The following NLRP5 variants were observed in gnomAD, a reference collection of about 807,000 sequenced individuals.
NLRP5 encodes NACHT, LRR and PYD domains-containing protein 5.
NLRP5 carries 93 observed loss-of-function variants against 113.1 expected under a neutral mutation model. That is an observed-to-expected ratio of 0.82 (90% CI 0.70 to 0.98). The LOEUF (loss-of-function observed/expected upper bound fraction) is 0.98. Ranked by LOEUF, NLRP5 falls within the 50% of genes least tolerant of loss-of-function variation. The pLI, the probability that NLRP5 is intolerant of heterozygous loss-of-function variation, is 0.00. For missense variants in NLRP5, 1,808 were observed against 1,514.3 expected (o/e 1.19, Z -3.22); for synonymous variants, 751 against 600.7 (o/e 1.25, Z -3.66).
the NLRP5 span, among the ~76,000 whole-genome samples, chr19:55,990,827 AAAG>A: frequency 3.3e-5 from 5 of 152,066 alleles, no homozygotes; most frequent in African/African-American, 1.2e-4. Context: ...TCTGTCTCAA[AAAG>A]AAAAAAAGCT....
the NLRP5 span, among the ~76,000 whole-genome samples, chr19:55,993,739 C>T: frequency 2.0e-5 from 3 of 149,638 alleles, no homozygotes; most frequent in African/African-American, 7.4e-5. Context: ...TTTCCCATGC[C>T]TGGTTTATTT....
At chr19:56,024,503 A>G (rs1259566031) in intron 6 of NLRP5, among the ~76,000 whole-genome samples, 2 of 115,446 alleles carry the variant, frequency 1.7e-5, no homozygotes, top group East Asian at 2.3e-4. Context: ...ATACATATGT[A>G]TATGTATATG....
At chr19:56,017,096 C>T (rs747350554) in intron 4 of NLRP5, among the ~76,000 whole-genome samples, 48 of 152,252 alleles carry the variant, frequency 3.2e-4, no homozygotes, top group East Asian at 2.1e-3. Context: ...CGTGAGCCAC[C>T]GCGCCCGGCC....
At chr19:56,003,084 G>C (rs1366662389) in intron 1 of NLRP5, among the ~76,000 whole-genome samples, 2 of 151,060 alleles carry the variant, frequency 1.3e-5, no homozygotes, top group Non-Finnish European at 2.9e-5. Flanking sequence ...AATACCATTT[G>C]ACCCAGCCAT....
chr19:56,037,693 C>CAAAAAAA (rs11301032), intron 9 of NLRP5, among the ~76,000 whole-genome samples: 12 of 87,706 alleles, frequency 1.4e-4, no homozygotes, highest in African/African-American at 3.5e-4. Flanking sequence ...GACCCTGTCT[C>CAAAAAAA]AAAAAAAAAA....
At chr19:56,013,595 G>GTTTTTTTTTTTT (rs1418924718) in intron 3 of NLRP5, among the ~76,000 whole-genome samples, 2 of 30,984 alleles carry the variant, frequency 6.5e-5, no homozygotes, top group African/African-American at 1.9e-4. Context: ...TGGACATTTG[G>GTTTTTTTTTTTT]GTTTTTTTTT....
chr19:56,041,227 TC>T, intron 11 of NLRP5, 135 bp downstream of exon 11: 1 of 802,834 alleles, frequency 1.2e-6, no homozygotes, highest in Non-Finnish European at 2.0e-6. Flanking sequence ...CTGAATTCTG[TC>T]CATGTCTCCT....
chr19:55,988,788 C>T, the NLRP5 span, among the ~76,000 whole-genome samples: 9 of 152,058 alleles, frequency 5.9e-5, no homozygotes, highest in East Asian at 1.9e-4. Context: ...TATGACAGTC[C>T]GAAATTCGTT....
chr19:56,009,428 A>T (rs1456949124), intron 3 of NLRP5, among the ~76,000 whole-genome samples: 1 of 149,876 alleles, frequency 6.7e-6, no homozygotes, highest in East Asian at 2.0e-4. Flanking sequence ...GGGTAACCTT[A>T]TGACCCCACT....
intron 7 of NLRP5, among the ~76,000 whole-genome samples, chr19:56,030,418 T>C (rs1260484438): frequency 6.6e-6 from 1 of 152,092 alleles, no homozygotes; most frequent in Non-Finnish European, 1.5e-5. Flanking sequence ...GCACCTGCTG[T>C]GTGCTAAGGC....
intron 1 of NLRP5, among the ~76,000 whole-genome samples, chr19:56,001,274 G>A (rs1475035976): frequency 6.8e-6 from 1 of 147,332 alleles, no homozygotes; most frequent in East Asian, 2.0e-4. Flanking sequence ...GCAGTGAGCT[G>A]TGACTGCACC....
At chr19:56,055,449 C>A (rs1462326202) in intron 13 of NLRP5, among the ~76,000 whole-genome samples, 3 of 148,246 alleles carry the variant, frequency 2.0e-5, no homozygotes, top group Non-Finnish European at 4.5e-5. Flanking sequence ...TAAACTTTAT[C>A]TTATTTCTTA....
chr19:56,038,102 C>A lies in NLRP5; in HGVS notation c.2693C>A (p.Ser898Tyr). The A allele has an allele frequency of 6.2e-7, 1 of 1,613,962 alleles. No homozygotes were observed. The highest frequency in any genetic ancestry group is 1.6e-4 in the Middle Eastern group (1 of 6,062). ...CTTACGACCTCCCCCAGCCTGAAAT[C>A]TCTGAGCCTGGCAGGAAACAAGGTG... Residue 898 changes from serine to tyrosine, a missense_variant, in exon 10 of 15, where the codon TCT becomes TAT. Ser to Tyr is a moderately radical substitution (Grantham distance 144, BLOSUM62 -2). Transcript: ENST00000390649.
chr19:56,008,729 G>T, intron 2 of NLRP5, 59 bp from the exon 3 acceptor site: 1 of 1,450,180 alleles, frequency 6.9e-7, no homozygotes, highest in Non-Finnish European at 9.5e-7. Flanking sequence ...TCTTATCCTT[G>T]GCTTGGGTAA....
Position 56,027,721 on chromosome 19 carries a change from A to T in NLRP5, c.1488A>T (p.Gln496His). ...GGGAGAGCGTCGCCCCCTTCAACCA[A>T]ACGCTCACAGGCCTGCACGCCGCTT... Residue 496 changes from glutamine to histidine, a missense_variant, in exon 7 of 15, where the codon CAA (glutamine) becomes CAT (histidine). By Grantham distance (24) the Gln-to-His change is conservative. Coordinates refer to ENST00000390649, the MANE Select transcript of NLRP5 (RefSeq NM_153447.4). 3 of 1,613,472 alleles carry T rather than the reference A, an allele frequency of 1.9e-6. No homozygotes were observed. The highest frequency in any genetic ancestry group is 2.5e-6 in the Non-Finnish European group (3 of 1,179,816).
At chr19:56,020,718 CAT>C (rs202147459) in intron 6 of NLRP5, among the ~76,000 whole-genome samples, 17,486 of 149,122 alleles carry the variant, frequency 0.12, 1,185 homozygotes, top group Non-Finnish European at 0.16. Flanking sequence ...GGATGTTAAA[CAT>C]ATGGCCAAGA....
At chr19:56,041,224 C>A in intron 11 of NLRP5, 132 bp downstream of exon 11, 2 of 811,994 alleles carry the variant, frequency 2.5e-6, no homozygotes, top group Non-Finnish European at 4.0e-6. Context: ...ATGCTGAATT[C>A]TGTCCATGTC....
In NLRP5 at chr19:56,006,014, CAT is replaced by C. The variant is rs1418457346; in HGVS notation, c.442+1922_442+1923del. On this transcript the variant is annotated intron_variant, in intron 2 of 14. Transcript: ENST00000390649. ...CTACCGTGGCATATGTTTAAATTCT[CAT>C]ATGTCTGGTGTCAGAGATTTGCAGT... 8.6e-5 allele frequency among the ~76,000 whole-genome samples: 13 copies of C among 152,026 alleles called. No homozygotes were observed. The South Asian group carries it at 1.5e-3, about 17-fold the overall frequency.
chr19:56,050,613 C>A, intron 12 of NLRP5, 25 bp downstream of exon 12: 1 of 1,607,918 alleles, frequency 6.2e-7, no homozygotes, highest in South Asian at 1.1e-5. Flanking sequence ...GGCGTTGGGT[C>A]AACTCTATCA....
Sources: allele counts gnomAD v4.1 joint callset (sites outside exome capture counted in the v4.1 genomes callset), GRCh38; gene constraint gnomAD v4.1.1; transcripts MANE v1.5; gene names NCBI Gene and HGNC (gene_info 2026-07-23, HGNC 2026-07-21).